Variants in PCMT1 observed in about 807,000 individuals in gnomAD.
The protein encoded by PCMT1 is protein-L-isoaspartate (D-aspartate) O-methyltransferase.
A neutral mutation model predicts 29.2 loss-of-function variants in PCMT1; 9 were observed. The ratio of observed to expected loss-of-function variants is 0.31; its 90% CI spans 0.19 to 0.54. The LOEUF (loss-of-function observed/expected upper bound fraction) is 0.54, where lower values mean the gene tolerates loss of function less well. Ranked by LOEUF, PCMT1 falls within the 20% of genes least tolerant of loss-of-function variation. The pLI is 0.95. For synonymous variants in PCMT1, 98 were observed against 97.5 expected (o/e 1.00, Z -0.03); for missense variants, 184 against 282.2 (o/e 0.65, Z 2.49).
Position 149,802,315 on chromosome 6 carries a change from C to A in PCMT1, c.620C>A (p.Pro207His). The A allele has an allele frequency of 6.2e-7, 1 of 1,613,652 alleles. No homozygotes were observed. Among genetic ancestry groups the A allele is most frequent in the Non-Finnish European group, 8.5e-7 (1 of 1,179,768 alleles). ...KLQDGSIKMK[P>H]LMGVIYVPLT... ...CAAGATGGCAGCATCAAAATGAAGC[C>A]TCTGATGGGGGTGATATACGTGCCT... The change falls in exon 7 of 8, where the codon CCT (proline) becomes CAT (histidine). Residue 207 changes from proline to histidine, a missense_variant. Pro to His is a moderately conservative substitution (Grantham distance 77). Transcript: ENST00000464889.
At chr6:149,787,392 A>C (rs1479766091) in intron 3 of PCMT1, among the ~76,000 whole-genome samples, 1 of 149,800 alleles carries the variant, frequency 6.7e-6, no homozygotes, top group African/African-American at 2.5e-5. Context: ...TTTGAGACGG[A>C]ATCTCGCTCT....
intron 3 of PCMT1, among the ~76,000 whole-genome samples, chr6:149,786,797 G>A (rs969546944): frequency 3.3e-5 from 5 of 150,186 alleles, no homozygotes; most frequent in Non-Finnish European, 3.0e-5. Flanking sequence ...TAGATGGGAT[G>A]GTGGCCGGAA....
chr6:149,757,398 ATATTTT>A (rs529312465), intron 1 of PCMT1, among the ~76,000 whole-genome samples: 216 of 152,260 alleles, frequency 1.4e-3, no homozygotes, highest in African/African-American at 5.1e-3. Context: ...TGTTACAAAA[ATATTTT>A]TATTAATATT....
chr6:149,771,310 C>A, intron 2 of PCMT1, 44 bp downstream of exon 2: 1 of 1,210,664 alleles, frequency 8.3e-7, no homozygotes, highest in Non-Finnish European at 1.2e-6. Flanking sequence ...TCATCATTTA[C>A]TTTATGATTT....
intron 7 of PCMT1, among the ~76,000 whole-genome samples, chr6:149,804,326 A>G (rs897910578): frequency 3.3e-5 from 5 of 151,996 alleles, no homozygotes; most frequent in Admixed American, 1.3e-4. Flanking sequence ...TTCTTTTTAT[A>G]TACAATAAAT....
intron 2 of PCMT1, chr6:149,772,536 G>C (rs1283809799): frequency 2.2e-6 from 1 of 445,330 alleles, no homozygotes; most frequent in Non-Finnish European, 4.5e-6. Flanking sequence ...TCAACTTACT[G>C]AAATTCTTCC....
intron 7 of PCMT1, among the ~76,000 whole-genome samples, chr6:149,807,773 A>G (rs1370175633): frequency 3.3e-5 from 5 of 152,194 alleles, no homozygotes; most frequent in Non-Finnish European, 1.5e-5. Context: ...CTCTTTGTTT[A>G]TTGATGTCTT....
At chr6:149,771,352 T>C (rs1787314117) in intron 2 of PCMT1, 86 bp downstream of exon 2, 2 of 759,912 alleles carry the variant, frequency 2.6e-6, no homozygotes, top group Non-Finnish European at 4.4e-6. Flanking sequence ...GACACAGATA[T>C]TTATCTATTA....
At chr6:149,751,701 C>T (rs930123027) in intron 1 of PCMT1, among the ~76,000 whole-genome samples, 10 of 151,834 alleles carry the variant, frequency 6.6e-5, no homozygotes, top group Admixed American at 3.9e-4. Context: ...AGGCTGATGT[C>T]GAACTCCTGA....
chr6:149,801,728 G>A lies in PCMT1; in HGVS notation c.505-472G>A, dbSNP rs1272074990. The stretch of plus-strand genomic sequence containing the variant: ...CTCCCAAAGTGCTGGGATCACAGGC[G>A]TGAGCCACCGTGTCTGGCCTTAATT... On this transcript the variant is annotated intron_variant, in intron 6 of 7. Transcript: ENST00000464889. Among the ~76,000 whole-genome samples the A allele has an allele frequency of 2.0e-5, 3 of 152,236 alleles. No individual in the cohort carries two copies. The South Asian group carries it at 6.2e-4, about 32-fold the overall frequency.
chr6:149,786,396 T>C (rs374648186), intron 3 of PCMT1, among the ~76,000 whole-genome samples: 25,110 of 54,882 alleles, frequency 0.46, 9,368 homozygotes, highest in East Asian at 0.87. Flanking sequence ...CCGGACGGGG[T>C]GGCTGGCCGG....
intron 7 of PCMT1, among the ~76,000 whole-genome samples, chr6:149,808,764 AT>A (rs2115353982): frequency 6.6e-6 from 1 of 151,634 alleles, no homozygotes; most frequent in South Asian, 2.1e-4. Flanking sequence ...AGCCTCCCGA[AT>A]AGCTAGGATT....
rs143950646 is a variant in PCMT1, at chr6:149,765,921, G to A, written c.56-5241G>A. On this transcript the variant is annotated intron_variant, in intron 1 of 7. Coordinates refer to ENST00000464889, the MANE Select transcript of PCMT1 (RefSeq NM_001360452.2). ...GTGGAGGTTGCCGTGAGTGGAGATC[G>A]CGCCACTGAACTCCAGCCTGGGCAA... Among the ~76,000 whole-genome samples, 175 of 150,776 alleles carry A rather than the reference G, an allele frequency of 1.2e-3. 1 individual carries two copies. Among genetic ancestry groups the A allele is most frequent in the African/African-American group, 4.1e-3 (170 of 41,008 alleles).
intron 2 of PCMT1, chr6:149,771,934 T>C (rs1203152636): frequency 4.4e-6 from 2 of 453,642 alleles, no homozygotes; most frequent in Admixed American, 4.8e-5. Context: ...TTTAAATCAA[T>C]ATTTAAATAA....
intron 4 of PCMT1, among the ~76,000 whole-genome samples, chr6:149,791,506 T>A (rs1031743727): frequency 6.6e-6 from 1 of 152,216 alleles, no homozygotes; most frequent in Non-Finnish European, 1.5e-5. Context: ...AATATTCTGA[T>A]CTAGTTAAAT....
chr6:149,764,767 G>C (rs1787000435), intron 1 of PCMT1, among the ~76,000 whole-genome samples: 1 of 151,280 alleles, frequency 6.6e-6, no homozygotes, highest in Admixed American at 6.6e-5. Flanking sequence ...GGGGCCAGGC[G>C]CGGTGGCTGA....
Position 149,793,582 on chromosome 6 carries a change from C to T in PCMT1, c.331C>T (p.His111Tyr). 6.6e-7 allele frequency: 1 copy of T among 1,519,134 alleles called. No individual in the cohort carries two copies. The highest frequency in any genetic ancestry group is 8.8e-7 in the Non-Finnish European group (1 of 1,141,048). The allele number at this position is 1,519,134 out of a possible 1,614,324, so 94.1% of individuals were successfully genotyped here. ...GCTGKVIGID[H>Y]IKELVDDSVN... ...TACTGGAAAAGTCATAGGAATTGAT[C>T]ACATTAAAGAGCTAGTAGATGACTC... Residue 111 changes from histidine (H) to tyrosine (Y), a missense_variant, in exon 5 of 8, where the codon CAC becomes TAC. His to Tyr is a moderately conservative substitution (Grantham distance 83). Coordinates refer to ENST00000464889, the MANE Select transcript of PCMT1 (RefSeq NM_001360452.2).
intron 3 of PCMT1, among the ~76,000 whole-genome samples, chr6:149,775,291 T>C (rs937625965): frequency 6.6e-6 from 1 of 152,162 alleles, no homozygotes; most frequent in Admixed American, 6.6e-5. Flanking sequence ...AAAAATTGAA[T>C]AGTAATGTCT....
chr6:149,755,636 T>C (rs915328199), intron 1 of PCMT1, among the ~76,000 whole-genome samples: 5 of 152,234 alleles, frequency 3.3e-5, no homozygotes, highest in African/African-American at 7.2e-5. Flanking sequence ...TTTCTACTTA[T>C]GTTTCTTTTG....
Sources: gnomAD v4.1 joint callset for allele counts (sites outside exome capture counted in the v4.1 genomes callset) on GRCh38, gnomAD v4.1.1 for gene constraint, MANE v1.5 for transcripts, NCBI Gene and HGNC (gene_info 2026-07-23, HGNC 2026-07-21) for gene names.